Variants in AGPAT3 observed in about 807,000 individuals in gnomAD.
AGPAT3 encodes 1-acyl-sn-glycerol-3-phosphate acyltransferase gamma.
AGPAT3 carries 5 observed loss-of-function variants against 47.3 expected under a neutral mutation model. The observed-to-expected ratio is 0.11, with a 90% CI of 0.06 to 0.22. The LOEUF (loss-of-function observed/expected upper bound fraction) is 0.22. Among genes scored for constraint, AGPAT3 ranks in the 10% least tolerant of loss-of-function variants. The pLI is 1.00. For synonymous variants in AGPAT3, 212 were observed against 208.3 expected (o/e 1.02, Z -0.15); for missense variants, 315 against 493.0 (o/e 0.64, Z 3.42).
Position 43,981,772 on chromosome 21 carries a change from C to A in AGPAT3, c.1043-532C>A, listed in dbSNP as rs1460867065. Among the ~76,000 whole-genome samples, 1 of 152,048 alleles carries A rather than the reference C, an allele frequency of 6.6e-6. No homozygotes were observed. The highest frequency in any genetic ancestry group is 1.9e-4 in the East Asian group (1 of 5,174). The stretch of plus-strand genomic sequence containing the variant: ...GTGTGCATCGCCCCGTGAGCCGACT[C>A]CCCAGGCCCAGCAGCTGGGCCAGCT... On this transcript the variant is annotated intron_variant, in intron 9 of 9. Coordinates refer to ENST00000291572, the MANE Select transcript of AGPAT3 (RefSeq NM_020132.5). The surrounding 1 kb of genome is among the most constrained non-coding windows in gnomAD (Gnocchi z 5.3).
At position 43,982,896 on chromosome 21, in the gene AGPAT3, C is replaced by T. The variant is rs925059253; in HGVS notation, c.*504C>T. On this transcript the variant is annotated 3_prime_UTR_variant, in exon 10 of 10. Coordinates refer to ENST00000291572, the MANE Select transcript of AGPAT3 (RefSeq NM_020132.5). The surrounding 1 kb of genome is among the most constrained non-coding windows in gnomAD (Gnocchi z 6.2). The stretch of plus-strand genomic sequence containing the variant: ...TCAGCACCTTGGCTCCCAGTGGGGG[C>T]CCCGTGGAGGGCGCCCGTAGTGATA... 1 of 155,264 alleles carries T rather than the reference C, an allele frequency of 6.4e-6. No homozygotes were observed. The highest frequency in any genetic ancestry group is 1.4e-5 in the Non-Finnish European group (1 of 70,422). The allele number at this position is 155,264 out of a possible 1,614,324, so 9.6% of individuals were successfully genotyped here.
chr21:43,957,265 G>A (rs1014261575), intron 2 of AGPAT3, among the ~76,000 whole-genome samples: 24 of 152,214 alleles, frequency 1.6e-4, no homozygotes, highest in Non-Finnish European at 2.9e-4. Context: ...TGGGGTGGGC[G>A]CCCATGGAGA....
rs147039437 is a variant in AGPAT3 at position 43,986,744 on chromosome 21, T to C, written c.*4352T>C. On this transcript the variant is annotated 3_prime_UTR_variant, in exon 10 of 10. Coordinates refer to ENST00000291572, the MANE Select transcript of AGPAT3 (RefSeq NM_020132.5). Reference sequence around the variant, plus strand: ...TGCGCATGACAGCCACTGGCTTCTTTTTCTATGATTGAAAATCTGCCATCG... The same window carrying C: ...TGCGCATGACAGCCACTGGCTTCTTCTTCTATGATTGAAAATCTGCCATCG... 2.7e-3 allele frequency among the ~76,000 whole-genome samples: 407 copies of C among 152,358 alleles called. 2 individuals carry two copies. Among genetic ancestry groups the C allele is most frequent in the African/African-American group, 9.5e-3 (394 of 41,586 alleles).
chr21:43,874,917 T>G (rs1451602646), intron 1 of AGPAT3, among the ~76,000 whole-genome samples: 1 of 152,230 alleles, frequency 6.6e-6, no homozygotes, highest in African/African-American at 2.4e-5. Flanking sequence ...AGTGGATGCT[T>G]AAGTTCCTGA....
At chr21:43,915,405 C>CCT (rs2086705656) in intron 2 of AGPAT3, among the ~76,000 whole-genome samples, 2 of 38,848 alleles carry the variant, frequency 5.1e-5, no homozygotes, top group African/African-American at 2.3e-4. Context: ...TCTTGATTAG[C>CCT]TTTTTTTTTT....
intron 2 of AGPAT3, among the ~76,000 whole-genome samples, chr21:43,907,980 C>T (rs1275290092): frequency 6.6e-6 from 1 of 152,210 alleles, no homozygotes; most frequent in African/African-American, 2.4e-5. Flanking sequence ...GTAGTCCCCA[C>T]CCTCGTGGAA....
chr21:43,887,965 CTTG>C (rs1429839980), intron 1 of AGPAT3, among the ~76,000 whole-genome samples: 3 of 152,202 alleles, frequency 2.0e-5, no homozygotes, highest in Admixed American at 1.3e-4. Context: ...TATACACGTT[CTTG>C]TTGTACTATT....
intron 2 of AGPAT3, among the ~76,000 whole-genome samples, chr21:43,907,029 C>CTTTT (rs760824887): frequency 1.6e-4 from 20 of 128,778 alleles, no homozygotes; most frequent in Middle Eastern, 4.1e-3. Context: ...TCTTTTCTTT[C>CTTTT]TTTTTTTTTT....
At chr21:43,912,790 T>C (rs990510454) in intron 2 of AGPAT3, among the ~76,000 whole-genome samples, 7 of 152,274 alleles carry the variant, frequency 4.6e-5, no homozygotes, top group African/African-American at 1.7e-4. Context: ...AAGTTCTGGC[T>C]GGAGTCAGTT....
At chr21:43,962,783 A>C (rs2088938545) in intron 3 of AGPAT3, among the ~76,000 whole-genome samples, 1 of 152,212 alleles carries the variant, frequency 6.6e-6, no homozygotes, top group Non-Finnish European at 1.5e-5. Flanking sequence ...ACGAAAGTAC[A>C]CTCTGGAGAA....
chr21:43,957,580 C>T (rs1002836969), intron 2 of AGPAT3, among the ~76,000 whole-genome samples: 1 of 147,322 alleles, frequency 6.8e-6, no homozygotes, highest in Non-Finnish European at 1.5e-5. Flanking sequence ...GGGTTTCCCC[C>T]TCCACACGGG....
Position 43,970,562 on chromosome 21 carries a change from C to T in AGPAT3, c.511-91C>T, listed in dbSNP as rs2146783542. ...AGATTTCCACAAATTCAGCCACAAC[C>T]TTTGCTGCCTGTCAGAGAGGCAGGC... On this transcript the variant is annotated intron_variant, in intron 5 of 9. Transcript: ENST00000291572. This position sits in a 1 kb window ranked among gnomAD's most constrained non-coding sequence, Gnocchi z 5.8. 3 of 1,416,452 alleles carry T rather than the reference C, an allele frequency of 2.1e-6. No homozygotes were observed. Among genetic ancestry groups the T allele is most frequent in the East Asian group, 4.9e-5 (2 of 40,704 alleles). The allele number at this position is 1,416,452 out of a possible 1,614,324, so 87.7% of individuals were successfully genotyped here.
At position 43,908,615 on chromosome 21, in the gene AGPAT3, C is replaced by T. The variant is rs2086558914; in HGVS notation, c.-49+4596C>T. Among the ~76,000 whole-genome samples, 1 of 152,178 alleles carries T rather than the reference C, an allele frequency of 6.6e-6. No individual in the cohort carries two copies. The highest frequency in any genetic ancestry group is 1.5e-5 in the Non-Finnish European group (1 of 68,036). Reference sequence around the variant, plus strand: ...CGGCACTAGAAGGATGAGAAAGGACCTATGGCCTCCAGCTCCGGGTTCAGG... The same window carrying T: ...CGGCACTAGAAGGATGAGAAAGGACTTATGGCCTCCAGCTCCGGGTTCAGG... On this transcript the variant is annotated intron_variant, in intron 2 of 9. Transcript: ENST00000291572. This position sits in a 1 kb window ranked among gnomAD's most constrained non-coding sequence, Gnocchi z 4.9.
rs186885561 is a variant in AGPAT3 at position 43,958,168 on chromosome 21, C to G, written c.-48-1466C>G. ...TATGATGCCTTCACCACAAGTTAAT[C>G]ACTATCAATATTTGGGTGTATTTCT... On this transcript the variant is annotated intron_variant, in intron 2 of 9. Coordinates refer to ENST00000291572, the MANE Select transcript of AGPAT3 (RefSeq NM_020132.5). 9.1e-4 allele frequency among the ~76,000 whole-genome samples: 138 copies of G among 152,306 alleles called. 1 individual carries two copies. In the Middle Eastern group the frequency reaches 0.017, roughly 19 times the overall value.
intron 2 of AGPAT3, among the ~76,000 whole-genome samples, chr21:43,928,662 C>G (rs1294355414): frequency 6.6e-6 from 1 of 152,240 alleles, no homozygotes; most frequent in African/African-American, 2.4e-5. Context: ...GATTTCACGT[C>G]TGAAACTACA....
At chr21:43,918,725 C>T (rs942168604) in intron 2 of AGPAT3, among the ~76,000 whole-genome samples, 13 of 151,928 alleles carry the variant, frequency 8.6e-5, no homozygotes, top group Admixed American at 2.0e-4. Flanking sequence ...TACAGGCGTG[C>T]GCCACCACGC....
chr21:43,917,254 G>A (rs1034789765), intron 2 of AGPAT3, among the ~76,000 whole-genome samples: 2 of 151,264 alleles, frequency 1.3e-5, no homozygotes, highest in Non-Finnish European at 2.9e-5. Context: ...TCTGGGTGCT[G>A]TGAGCCTGTT....
rs535948669 is a variant in AGPAT3 at position 43,902,942 on chromosome 21, G to T, written c.-111-1015G>T. On this transcript the variant is annotated intron_variant, in intron 1 of 9. Coordinates refer to ENST00000291572, the MANE Select transcript of AGPAT3 (RefSeq NM_020132.5). The stretch of plus-strand genomic sequence containing the variant: ...TTAAGCCCAGAAGACTGAGGCTGCA[G>T]TGAGCGGTGATTGTGCCACGGCGAC... Among the ~76,000 whole-genome samples the T allele has an allele frequency of 2.3e-3, 345 of 152,300 alleles. 1 individual carries two copies. In the Middle Eastern group the frequency reaches 0.048, roughly 21 times the overall value.
At chr21:43,865,387 C>T (rs1324785401) in intron 1 of AGPAT3, 42 bp downstream of exon 1, 1 of 146,616 alleles carries the variant, frequency 6.8e-6, no homozygotes, top group Non-Finnish European at 1.5e-5. Context: ...CCGCCCCCCT[C>T]TTCCCCCACG....
Sources: allele counts gnomAD v4.1 joint callset (sites outside exome capture counted in the v4.1 genomes callset), GRCh38; gene constraint gnomAD v4.1.1; non-coding constraint Gnocchi (gnomAD v3.1); transcripts MANE v1.5; gene names NCBI Gene and HGNC (gene_info 2026-07-23, HGNC 2026-07-21).